RAPGEF5: variants seen among roughly 807,000 people sequenced by gnomAD.
The protein encoded by RAPGEF5 is M-Ras-regulated GEF.
A neutral mutation model predicts 125.2 loss-of-function variants in RAPGEF5; 65 were observed. The ratio of observed to expected loss-of-function variants is 0.52; its 90% confidence interval spans 0.43 to 0.64. RAPGEF5 has a LOEUF of 0.64. Among genes scored for constraint, RAPGEF5 ranks in the 30% least tolerant of loss-of-function variants. The pLI is 0.00. For missense variants in RAPGEF5, 958 were observed against 1,048.1 expected (o/e 0.91, Z 1.19); for synonymous variants, 391 against 385.9 (o/e 1.01, Z -0.16).
intron 1 of RAPGEF5, among the ~76,000 whole-genome samples, chr7:22,348,705 G>T (rs1666210069): frequency 6.6e-6 from 1 of 152,216 alleles, no homozygotes; most frequent in Admixed American, 6.5e-5. Flanking sequence ...AAGACAGAGG[G>T]TACATTGGTG....
At chr7:22,253,246 G>A (rs1010534076) in intron 7 of RAPGEF5, among the ~76,000 whole-genome samples, 1 of 152,144 alleles carries the variant, frequency 6.6e-6, no homozygotes, top group Non-Finnish European at 1.5e-5. Context: ...TTATTTTAGG[G>A]GAAAACACAT....
chr7:22,289,204 T>C (rs1782872282), intron 6 of RAPGEF5, among the ~76,000 whole-genome samples: 1 of 152,264 alleles, frequency 6.6e-6, no homozygotes, highest in Non-Finnish European at 1.5e-5. Context: ...TGAATATATC[T>C]GTCTTATCTT....
Position 22,190,141 on chromosome 7 carries a change from G to A in RAPGEF5, c.1204+3226C>T, listed in dbSNP as rs541142223. 5.9e-5 allele frequency among the ~76,000 whole-genome samples: 9 copies of A among 152,222 alleles called. No individual in the cohort carries two copies. In the East Asian group the frequency reaches 1.2e-3, roughly 20 times the overall value. Reference sequence around the variant, plus strand: ...CCAAAAATACAAAAATTAGCCGGGCGTGGTGGTGGGCCCCTGTAATCCCAG... The same window carrying A: ...CCAAAAATACAAAAATTAGCCGGGCATGGTGGTGGGCCCCTGTAATCCCAG... On this transcript the variant is annotated intron_variant, in intron 11 of 25. Coordinates refer to ENST00000665637, the MANE Select transcript of RAPGEF5 (RefSeq NM_012294.5).
At chr7:22,252,093 T>G (rs1427022502) in intron 7 of RAPGEF5, among the ~76,000 whole-genome samples, 2 of 152,178 alleles carry the variant, frequency 1.3e-5, no homozygotes, top group Non-Finnish European at 2.9e-5. Context: ...ATTCTCTCTT[T>G]AATGCCTCTC....
intron 7 of RAPGEF5, among the ~76,000 whole-genome samples, chr7:22,237,129 T>A (rs1266264597): frequency 6.6e-6 from 1 of 152,166 alleles, no homozygotes; most frequent in Non-Finnish European, 1.5e-5. Flanking sequence ...TAATGAAGAG[T>A]CTTCTGAGTC....
At chr7:22,138,005 C>CCACA (rs1783129920) in intron 21 of RAPGEF5, among the ~76,000 whole-genome samples, 1 of 102,916 alleles carries the variant, frequency 9.7e-6, no homozygotes. Context: ...TGTTTGGAAA[C>CCACA]TACACACACA....
intron 2 of RAPGEF5, among the ~76,000 whole-genome samples, chr7:22,316,664 T>G (rs1235135098): frequency 6.6e-6 from 1 of 150,532 alleles, no homozygotes; most frequent in Non-Finnish European, 1.5e-5. Context: ...CTAATATTTG[T>G]TTTTTGTTTT....
At chr7:22,184,722 G>T (rs181839620) in intron 11 of RAPGEF5, among the ~76,000 whole-genome samples, 26 of 152,276 alleles carry the variant, frequency 1.7e-4, no homozygotes, top group African/African-American at 6.0e-4. Context: ...AACAACAAGG[G>T]TATTAATTAA....
chr7:22,147,801 T>G (rs772029457), intron 18 of RAPGEF5, among the ~76,000 whole-genome samples: 10 of 152,332 alleles, frequency 6.6e-5, no homozygotes, highest in Non-Finnish European at 1.5e-4. Flanking sequence ...TTTGAAGCGT[T>G]AGATTTGAAT....
At chr7:22,330,767 G>A (rs960044767) in intron 1 of RAPGEF5, among the ~76,000 whole-genome samples, 1 of 152,148 alleles carries the variant, frequency 6.6e-6, no homozygotes, top group Non-Finnish European at 1.5e-5. Context: ...TTCAGAAACA[G>A]GAGTGTGATA....
chr7:22,312,077 T>C (rs1443266807), intron 3 of RAPGEF5, among the ~76,000 whole-genome samples: 2 of 152,246 alleles, frequency 1.3e-5, no homozygotes, highest in African/African-American at 2.4e-5. Flanking sequence ...AGCTGCTTGT[T>C]TGTTCACAGG....
chr7:22,264,098 T>G (rs1178780537), intron 7 of RAPGEF5, among the ~76,000 whole-genome samples: 2 of 152,186 alleles, frequency 1.3e-5, no homozygotes, highest in Non-Finnish European at 2.9e-5. Flanking sequence ...TATACCAATT[T>G]TATTATTTCC....
chr7:22,217,596 CA>C (rs1215919296), intron 9 of RAPGEF5, among the ~76,000 whole-genome samples: 1 of 152,042 alleles, frequency 6.6e-6, no homozygotes, highest in Non-Finnish European at 1.5e-5. Context: ...TGAAAGATTC[CA>C]CTGGTGTCAT....
chr7:22,190,266 C>T (rs1048075959), intron 11 of RAPGEF5, among the ~76,000 whole-genome samples: 5 of 151,764 alleles, frequency 3.3e-5, no homozygotes, highest in Admixed American at 1.3e-4. Context: ...ACAGACACTC[C>T]GTCTCAAAAG....
intron 3 of RAPGEF5, among the ~76,000 whole-genome samples, chr7:22,311,059 T>G (rs1783458454): frequency 6.6e-6 from 1 of 152,186 alleles, no homozygotes; most frequent in Non-Finnish European, 1.5e-5. Context: ...AGGGTCATAC[T>G]CTATCACCCA....
In RAPGEF5 at chr7:22,177,943, T is replaced by C. The variant is rs1159899812; in HGVS notation, c.1205-10795A>G. ...TAGACACAAGAAGGTGGTCTTTCAT[T>C]GGTCTTAAATCACCAAAGATGCCCC... is the stretch of plus-strand genomic sequence containing the variant. On this transcript the variant is annotated intron_variant, in intron 11 of 25. Coordinates refer to ENST00000665637, the MANE Select transcript of RAPGEF5 (RefSeq NM_012294.5). 2.0e-5 allele frequency among the ~76,000 whole-genome samples: 3 copies of C among 152,170 alleles called. No homozygotes were observed. The East Asian group carries it at 5.8e-4, about 29-fold the overall frequency.
intron 12 of RAPGEF5, 89 bp downstream of exon 12, chr7:22,166,981 G>T: frequency 9.6e-7 from 1 of 1,044,342 alleles, no homozygotes; most frequent in Non-Finnish European, 1.5e-6. Flanking sequence ...CTATGGGGTT[G>T]AATAAATTAA....
intron 21 of RAPGEF5, among the ~76,000 whole-genome samples, chr7:22,138,528 T>C (rs927957049): frequency 6.6e-6 from 1 of 152,204 alleles, no homozygotes. Context: ...TGGTCACCTC[T>C]ACCTGAGATG....
At chr7:22,301,243 T>G (rs963459969) in intron 5 of RAPGEF5, among the ~76,000 whole-genome samples, 3 of 152,156 alleles carry the variant, frequency 2.0e-5, no homozygotes, top group Non-Finnish European at 4.4e-5. Flanking sequence ...ATAAGACTCT[T>G]CAGTGGAATT....
Sources: allele counts gnomAD v4.1 joint callset (sites outside exome capture counted in the v4.1 genomes callset), GRCh38; gene constraint gnomAD v4.1.1; transcripts MANE v1.5; gene names NCBI Gene and HGNC (gene_info 2026-07-23, HGNC 2026-07-21).